TENM2: variants seen among roughly 807,000 people sequenced by gnomAD.
TENM2 encodes teneurin transmembrane protein 2, also known as teneurin-2.
TENM2 carries 52 observed loss-of-function variants against 245.2 expected under a neutral mutation model. The ratio of observed to expected loss-of-function variants is 0.21; its 90% CI spans 0.17 to 0.27. The LOEUF is 0.27. Among genes scored for constraint, TENM2 ranks in the 10% least tolerant of loss-of-function variants. TENM2 has a pLI of 1.00. For missense variants in TENM2, 3,046 were observed against 3,666.8 expected, an observed-to-expected ratio of 0.83 and a Z score of 4.37; for synonymous variants, 1,363 against 1,438.9, an observed-to-expected ratio of 0.95 and a Z score of 1.19.
chr5:168,065,254 A>G (rs1465608244), intron 7 of TENM2, among the ~76,000 whole-genome samples: 1 of 152,216 alleles, frequency 6.6e-6, no homozygotes, highest in African/African-American at 2.4e-5. Flanking sequence ...AGGATATTAC[A>G]TACCTGCTTA....
At chr5:167,350,571 A>AGATATATATATGGGATATATATATATG (rs1554137771) in intron 1 of TENM2, among the ~76,000 whole-genome samples, 5,263 of 142,776 alleles carry the variant, frequency 0.037, 200 homozygotes, top group Non-Finnish European at 0.058. Context: ...GGATATATAT[A>AGATATATATATGGGATATATATATATG]GATATATATA....
At chr5:168,008,951 A>G (rs142826265) in intron 5 of TENM2, among the ~76,000 whole-genome samples, 1 of 152,304 alleles carries the variant, frequency 6.6e-6, no homozygotes, top group East Asian at 1.9e-4. Context: ...AATAAAACCC[A>G]TCAAGACCCC....
At chr5:167,335,106 C>T (rs560642151) in intron 1 of TENM2, among the ~76,000 whole-genome samples, 3 of 152,280 alleles carry the variant, frequency 2.0e-5, no homozygotes, top group African/African-American at 7.2e-5. Context: ...GCTCATGGTT[C>T]TGTAGGCTGT....
chr5:167,988,875 T>G (rs960907146), intron 4 of TENM2, among the ~76,000 whole-genome samples: 2 of 152,342 alleles, frequency 1.3e-5, no homozygotes, highest in Non-Finnish European at 2.9e-5. Flanking sequence ...GGGAACATTT[T>G]TAGGATTTCA....
intron 4 of TENM2, among the ~76,000 whole-genome samples, chr5:167,963,871 G>C (rs1488077643): frequency 2.0e-5 from 3 of 151,986 alleles, no homozygotes; most frequent in Non-Finnish European, 4.4e-5. Context: ...TTTAACAAAA[G>C]ACAAACAAGC....
intron 2 of TENM2, among the ~76,000 whole-genome samples, chr5:167,595,080 C>G (rs1007524416): frequency 1.3e-5 from 2 of 152,130 alleles, no homozygotes; most frequent in African/African-American, 4.8e-5. Flanking sequence ...TGGAGAACAT[C>G]AGTTTCAAGG....
chr5:167,474,089 C>T (rs1478362792), intron 2 of TENM2, among the ~76,000 whole-genome samples: 1 of 152,060 alleles, frequency 6.6e-6, no homozygotes, highest in East Asian at 1.9e-4. Flanking sequence ...AAACGCCTAC[C>T]CCACTTACCC....
chr5:167,403,849 A>G (rs932026778), intron 2 of TENM2, among the ~76,000 whole-genome samples: 1 of 151,552 alleles, frequency 6.6e-6, no homozygotes, highest in African/African-American at 2.4e-5. Flanking sequence ...TAGACATAAC[A>G]CTAACCTCCT....
intron 2 of TENM2, among the ~76,000 whole-genome samples, chr5:167,472,200 G>T (rs6555748): frequency 0.9 from 136,227 of 152,100 alleles, 61,636 homozygotes; most frequent in Non-Finnish European, 0.97. Flanking sequence ...CCTCATTTGA[G>T]CATGCACCTT....
At chr5:167,254,248 C>G in the TENM2 span, among the ~76,000 whole-genome samples, 4 of 152,214 alleles carry the variant, frequency 2.6e-5, no homozygotes, top group East Asian at 7.7e-4. Context: ...GTTTCAGGAA[C>G]AGCTGCCTTC....
chr5:167,483,762 A>AT (rs776949301), intron 2 of TENM2, among the ~76,000 whole-genome samples: 13 of 152,132 alleles, frequency 8.5e-5, no homozygotes, highest in Non-Finnish European at 1.6e-4. Context: ...AACTCACCTT[A>AT]TTTTTTAAGC....
intron 2 of TENM2, among the ~76,000 whole-genome samples, chr5:167,527,518 T>C (rs979249838): frequency 6.6e-6 from 1 of 152,128 alleles, no homozygotes; most frequent in African/African-American, 2.4e-5. Context: ...CCCTAGCCCT[T>C]GTCCCCCTTA....
At chr5:167,361,357 G>A (rs963946659) in intron 1 of TENM2, among the ~76,000 whole-genome samples, 3 of 152,114 alleles carry the variant, frequency 2.0e-5, no homozygotes, top group South Asian at 2.1e-4. Flanking sequence ...AAATAATTGC[G>A]ATTAAGAATT....
rs527835039 is a variant in TENM2, at chr5:168,021,768, T to A, written c.1187-25659T>A. 9.3e-5 allele frequency among the ~76,000 whole-genome samples: 13 copies of A among 139,432 alleles called. No individual in the cohort carries two copies. In the South Asian group the frequency reaches 3.0e-3, roughly 32 times the overall value. 91.5% of individuals were successfully genotyped at this position (139,432 alleles called of 152,430 possible). On this transcript the variant is annotated intron_variant, in intron 5 of 28. Coordinates refer to ENST00000518659, the Ensembl canonical transcript of TENM2. The stretch of plus-strand genomic sequence containing the variant: ...TTAAGAAACAGACTGTCCTACATAT[T>A]TGAAATCTTTTTTTTTTTTTTTTCT...
In TENM2 at chr5:168,117,809, G is replaced by A. The variant is rs1036348590; in HGVS notation, c.1814-483G>A. Reference sequence around the variant, plus strand: ...GACTGATCTGAGGGTAAAATAATCAGCAAAATGGATTCTGATCTCCAATAC... The same window carrying A: ...GACTGATCTGAGGGTAAAATAATCAACAAAATGGATTCTGATCTCCAATAC... On this transcript the variant is annotated intron_variant, in intron 9 of 28. Transcript: ENST00000518659. Among the ~76,000 whole-genome samples, 33 of 152,176 alleles carry A rather than the reference G, an allele frequency of 2.2e-4. 1 individual carries two copies. The highest frequency in any genetic ancestry group is 1.2e-4 in the Non-Finnish European group (8 of 68,044).
intron 2 of TENM2, among the ~76,000 whole-genome samples, chr5:167,408,571 G>C (rs774917029): frequency 1.3e-5 from 2 of 151,960 alleles, no homozygotes; most frequent in African/African-American, 4.8e-5. Context: ...ACTTTACTGC[G>C]GTCTTTATGA....
Position 168,062,333 on chromosome 5 carries a change from A to C in TENM2, c.1515+68A>C, listed in dbSNP as rs2152096327. ...TACGTATATATGTGTGTGTGTATATATGCCACTTCACATCCACTACAATGC... is the reference window on the plus strand; with the variant it reads ...TACGTATATATGTGTGTGTGTATATCTGCCACTTCACATCCACTACAATGC... On this transcript the variant is annotated intron_variant, in intron 7 of 28. Transcript: ENST00000518659. The C allele has an allele frequency of 2.4e-6, 3 of 1,244,368 alleles. 1 individual carries two copies. The South Asian group carries it at 4.0e-5, about 17-fold the overall frequency. The allele number at this position is 1,244,368 out of a possible 1,614,324, so 77.1% of individuals were successfully genotyped here. A position where few individuals can be genotyped will look rare whatever the true frequency, so the allele number is the denominator to read the frequency against.
chr5:167,763,842 A>C (rs1762829674), intron 2 of TENM2, among the ~76,000 whole-genome samples: 1 of 152,114 alleles, frequency 6.6e-6, no homozygotes, highest in Non-Finnish European at 1.5e-5. Flanking sequence ...ATTAATTTAC[A>C]GTGAGCATTT....
chr5:167,333,528 A>C (rs2127795819), intron 1 of TENM2, among the ~76,000 whole-genome samples: 1 of 152,328 alleles, frequency 6.6e-6, no homozygotes, highest in Non-Finnish European at 1.5e-5. Flanking sequence ...TCAACTGAAA[A>C]GTCATTAAAA....
Sources: allele counts gnomAD v4.1 joint callset (sites outside exome capture counted in the v4.1 genomes callset), GRCh38; gene constraint gnomAD v4.1.1; transcripts MANE v1.5; gene names NCBI Gene and HGNC (gene_info 2026-07-23, HGNC 2026-07-21).